The following CLIP2 variants were observed in gnomAD, a reference collection of about 807,000 sequenced individuals.
CLIP2 encodes CAP-Gly domain containing linker protein 2, also known as CAP-Gly domain-containing linker protein 2.
CLIP2 carries 41 observed loss-of-function variants against 111.7 expected under a neutral mutation model. That is an observed-to-expected ratio of 0.37 (90% CI 0.29 to 0.48). The LOEUF (loss-of-function observed/expected upper bound fraction) is 0.48, where lower values mean the gene tolerates loss of function less well. CLIP2 is among the 20% of genes least tolerant of loss of function. The pLI is 0.99. For synonymous variants in CLIP2, 660 were observed against 644.2 expected, an observed-to-expected ratio of 1.02 and a Z score of -0.37; for missense variants, 1,160 against 1,422.1, an observed-to-expected ratio of 0.82 and a Z score of 2.96.
chr7:74,400,415 G>T lies in CLIP2; in HGVS notation c.2926G>T (p.Asp976Tyr), dbSNP rs782439756. 8 of 1,613,746 alleles carry T rather than the reference G, an allele frequency of 5.0e-6. No individual in the cohort carries two copies. Among genetic ancestry groups the T allele is most frequent in the Admixed American group, 1.7e-5 (1 of 59,938 alleles). ...GGATCAGAGGCGCTACTCCCTCATC[G>T]ACCGGTCCTCGGCGCCCGAGCTTCT... is the stretch of plus-strand genomic sequence containing the variant. ...LSDQRRYSLI[D>Y]RSSAPELLRL... is the part of the protein sequence containing the mutation. The change falls in exon 15 of 17, where the codon GAC becomes TAC. Residue 976 changes from aspartate to tyrosine, a missense_variant. Asp to Tyr is a radical substitution (Grantham distance 160). Coordinates refer to ENST00000223398, the MANE Select transcript of CLIP2 (RefSeq NM_003388.5).
chr7:74,339,050 C>G, intron 3 of CLIP2, 46 bp downstream of exon 3: 1 of 1,540,488 alleles, frequency 6.5e-7, no homozygotes, highest in South Asian at 1.2e-5. Context: ...TCCCTTCCCT[C>G]CCCTGCTCCG....
chr7:74,372,689 T>C (rs1170726687), intron 8 of CLIP2, among the ~76,000 whole-genome samples: 5 of 93,522 alleles, frequency 5.3e-5, no homozygotes, highest in Admixed American at 1.4e-4. Flanking sequence ...CGCCCTACAC[T>C]GACCCAGCCG....
At chr7:74,294,346 G>A (rs1227658886) in intron 1 of CLIP2, among the ~76,000 whole-genome samples, 3 of 152,170 alleles carry the variant, frequency 2.0e-5, no homozygotes, top group Non-Finnish European at 2.9e-5. Context: ...TTAATGAAAC[G>A]TTTCCCTTCT....
chr7:74,372,798 G>A lies in CLIP2; in HGVS notation c.1381-134G>A, dbSNP rs1050803745. 2.3e-5 allele frequency: 15 copies of A among 650,264 alleles called. No individual in the cohort carries two copies. The East Asian group carries it at 2.8e-4, about 12-fold the overall frequency. The allele number at this position is 650,264 out of a possible 1,614,324, so 40.3% of individuals were successfully genotyped here. On this transcript the variant is annotated intron_variant, in intron 8 of 16. Coordinates refer to ENST00000223398, the MANE Select transcript of CLIP2 (RefSeq NM_003388.5). ...TCTGGCTCATGAATCTACTCTCCTC[G>A]CCTTGTTCACGGAAGATGACGCCTC... is the stretch of plus-strand genomic sequence containing the variant.
chr7:74,374,522 A>C (rs1486446850), intron 9 of CLIP2, among the ~76,000 whole-genome samples: 1 of 152,166 alleles, frequency 6.6e-6, no homozygotes, highest in Non-Finnish European at 1.5e-5. Flanking sequence ...GGAGTTCAAG[A>C]CCAGACTGGC....
intron 2 of CLIP2, among the ~76,000 whole-genome samples, chr7:74,328,252 A>G (rs1171752425): frequency 6.6e-6 from 1 of 152,146 alleles, no homozygotes; most frequent in Non-Finnish European, 1.5e-5. Context: ...TGGCCTCTTC[A>G]AGGAATGCTG....
At chr7:74,400,178 G>A (rs1791580035) in intron 14 of CLIP2, among the ~76,000 whole-genome samples, 192 bp from the exon 15 acceptor site, 1 of 150,166 alleles carries the variant, frequency 6.7e-6, no homozygotes, top group African/African-American at 2.5e-5. Context: ...AAAGTCAAGA[G>A]GGATGGGGTC....
chr7:74,337,011 G>A (rs1292494958), intron 2 of CLIP2, among the ~76,000 whole-genome samples: 1 of 151,270 alleles, frequency 6.6e-6, no homozygotes, highest in African/African-American at 2.4e-5. Context: ...TCAGCCTCCT[G>A]GGTAGCTGGG....
rs542807293 is a variant in CLIP2 at position 74,400,525 on chromosome 7, G to A, written c.3036G>A (p.Glu1012=). 2 of 1,602,414 alleles carry A rather than the reference G, an allele frequency of 1.2e-6. No individual in the cohort carries two copies. The highest frequency in any genetic ancestry group is 2.2e-5 in the South Asian group (2 of 89,722). Residue 1012 remains glutamate (E), a synonymous_variant, in exon 15 of 17, where the codon GAG becomes GAA. Transcript: ENST00000223398. ...DQAQQVEKLM[E]AMRSCPDKAQ... ...CTCAGCAGGTGGAGAAGCTGATGGA[G>A]GCCATGAGGAGCTGCCCTGACAAGG... is the stretch of plus-strand genomic sequence containing the variant.
At chr7:74,351,516 T>A (rs1554307563) in intron 3 of CLIP2, among the ~76,000 whole-genome samples, 3 of 151,284 alleles carry the variant, frequency 2.0e-5, no homozygotes, top group African/African-American at 7.3e-5. Context: ...CTTAGAAAGC[T>A]GTGGGAAGAT....
chr7:74,293,252 T>C (rs536355298), intron 1 of CLIP2, among the ~76,000 whole-genome samples: 3 of 152,224 alleles, frequency 2.0e-5, no homozygotes, highest in South Asian at 2.1e-4. Flanking sequence ...CAGCAAACAA[T>C]TGGAGGCGAC....
chr7:74,316,571 T>C (rs1788778026), intron 1 of CLIP2, among the ~76,000 whole-genome samples: 1 of 151,816 alleles, frequency 6.6e-6, no homozygotes, highest in Non-Finnish European at 1.5e-5. Context: ...TTTTTTTTTT[T>C]TTCTTTTGAG....
chr7:74,390,749 G>A (rs1165425702), intron 13 of CLIP2, among the ~76,000 whole-genome samples: 1 of 45,442 alleles, frequency 2.2e-5, no homozygotes, highest in Non-Finnish European at 8.4e-5. Flanking sequence ...CTGGCGGGGT[G>A]GGGGGGGTGG....
At chr7:74,310,120 G>A (rs546946049) in intron 1 of CLIP2, among the ~76,000 whole-genome samples, 10 of 147,596 alleles carry the variant, frequency 6.8e-5, no homozygotes, top group Non-Finnish European at 1.2e-4. Flanking sequence ...GTCCCCTACT[G>A]GGGAGGCTGA....
chr7:74,323,577 A>T (rs1389407301), intron 2 of CLIP2, among the ~76,000 whole-genome samples: 3 of 151,804 alleles, frequency 2.0e-5, no homozygotes, highest in Non-Finnish European at 4.4e-5. Flanking sequence ...ACAGGCACCC[A>T]TCACCATACC....
chr7:74,402,207 G>A (rs1791641618), intron 16 of CLIP2, among the ~76,000 whole-genome samples: 1 of 151,938 alleles, frequency 6.6e-6, no homozygotes, highest in Admixed American at 6.6e-5. Flanking sequence ...GCGGGCACCT[G>A]TAGTTCCAGC....
At chr7:74,396,188 A>G (rs1489045850) in intron 13 of CLIP2, among the ~76,000 whole-genome samples, 2 of 152,190 alleles carry the variant, frequency 1.3e-5, no homozygotes, top group Non-Finnish European at 2.9e-5. Context: ...AACCATTATC[A>G]TCATAGTACT....
At chr7:74,298,912 C>T (rs935961056) in intron 1 of CLIP2, among the ~76,000 whole-genome samples, 1 of 152,272 alleles carries the variant, frequency 6.6e-6, no homozygotes, top group Non-Finnish European at 1.5e-5. Flanking sequence ...AGGAACCCGG[C>T]ATGGCACGTG....
intron 3 of CLIP2, among the ~76,000 whole-genome samples, chr7:74,345,304 G>A (rs1466921005): frequency 5.9e-5 from 9 of 151,918 alleles, no homozygotes; most frequent in South Asian, 2.1e-4. Flanking sequence ...GCGCGATCTC[G>A]ACTAACTGAA....
Sources: allele counts gnomAD v4.1 joint callset (sites outside exome capture counted in the v4.1 genomes callset), GRCh38; gene constraint gnomAD v4.1.1; transcripts MANE v1.5; gene names NCBI Gene and HGNC (gene_info 2026-07-23, HGNC 2026-07-21).